The following ACOX3 variants were observed in gnomAD, a reference collection of about 807,000 sequenced individuals.
ACOX3 encodes acyl-CoA oxidase 3, pristanoyl, also known as peroxisomal acyl-coenzyme A oxidase 3.
ACOX3 carries 73 observed loss-of-function variants against 81.5 expected under a neutral mutation model. That is an observed-to-expected ratio of 0.90 (90% confidence interval 0.74 to 1.09). ACOX3 has a LOEUF of 1.09. Ranked by LOEUF, ACOX3 falls within the 50% of genes least tolerant of loss-of-function variation. The pLI is 0.00. For missense variants in ACOX3, 947 were observed against 928.0 expected, an observed-to-expected ratio of 1.02 and a Z score of -0.27; for synonymous variants, 387 against 375.1, an observed-to-expected ratio of 1.03 and a Z score of -0.37.
At chr4:8,435,543 G>A (rs991880544) in intron 1 of ACOX3, among the ~76,000 whole-genome samples, 1 of 152,080 alleles carries the variant, frequency 6.6e-6, no homozygotes. Context: ...GTGTTGGATG[G>A]CCCACCGAAG....
Position 8,381,744 on chromosome 4 carries a change from T to C in ACOX3, c.1538-137A>G, listed in dbSNP as rs1717680260. The C allele has an allele frequency of 1.5e-6, 1 of 658,274 alleles. No homozygotes were observed. The highest frequency in any genetic ancestry group is 2.8e-5 in the Admixed American group (1 of 35,688). 40.8% of individuals were successfully genotyped at this position (658,274 alleles called of 1,614,324 possible). A position where few individuals can be genotyped will look rare whatever the true frequency, so the allele number is the denominator to read the frequency against. On this transcript the variant is annotated intron_variant, in intron 13 of 17. Transcript: ENST00000356406. The surrounding 1 kb of genome is among the most constrained non-coding windows in gnomAD (Gnocchi z 4.3). ...TTCATTGACAACCAAGTGTATGGGG[T>C]GGGTCTGATTTTATAGGTAGGGAAA...
Position 8,400,672 on chromosome 4 carries a change from C to T in ACOX3, c.777-1020G>A, listed in dbSNP as rs1242941189. 6.6e-6 allele frequency among the ~76,000 whole-genome samples: 1 copy of T among 152,092 alleles called. No individual in the cohort carries two copies. Among genetic ancestry groups the T allele is most frequent in the African/African-American group, 2.4e-5 (1 of 41,412 alleles). Reference sequence around the variant, plus strand: ...GGTTAAGAATATTACATAAACTGTGCAAAAACCCCCCAAAACAAACTTCAA... The same window carrying T: ...GGTTAAGAATATTACATAAACTGTGTAAAAACCCCCCAAAACAAACTTCAA... On this transcript the variant is annotated intron_variant, in intron 7 of 17. Transcript: ENST00000356406. The surrounding 1 kb of genome is among the most constrained non-coding windows in gnomAD (Gnocchi z 4.4).
At chr4:8,433,955 A>G (rs1443786264) in intron 1 of ACOX3, among the ~76,000 whole-genome samples, 1 of 152,200 alleles carries the variant, frequency 6.6e-6, no homozygotes, top group East Asian at 1.9e-4. Flanking sequence ...TTCATAAGAC[A>G]GGAGGAAAGA....
the ACOX3 span, chr4:8,356,519 G>A: frequency 2.2e-6 from 1 of 449,742 alleles, no homozygotes; most frequent in Non-Finnish European, 4.5e-6. Flanking sequence ...CACTTTAAGT[G>A]GAAAAAGATG....
intron 11 of ACOX3, 91 bp downstream of exon 11, chr4:8,392,242 G>T: frequency 7.5e-7 from 1 of 1,339,324 alleles, no homozygotes; most frequent in Non-Finnish European, 9.7e-7. Context: ...GGCTGGATTT[G>T]GTCCTCAGGC....
chr4:8,394,733 A>G lies in ACOX3; in HGVS notation c.1066T>C (p.Leu356=). The G allele has an allele frequency of 1.9e-6, 3 of 1,613,364 alleles. No individual in the cohort carries two copies. The highest frequency in any genetic ancestry group is 2.5e-6 in the Non-Finnish European group (3 of 1,179,720). ...VLEYPMQQWR[L]LPYLAAVYAL... is the part of the protein sequence containing the mutation. ...TAGACAGCTGCCAGATATGGAAGCA[A>G]GCGCCATTGCTAGAACAGACAAGAC... The change falls in exon 10 of 18, where the codon TTG becomes CTG. Residue 356 remains leucine, a synonymous_variant. Coordinates refer to ENST00000356406, the MANE Select transcript of ACOX3 (RefSeq NM_003501.3). The surrounding 1 kb of genome is among the most constrained non-coding windows in gnomAD (Gnocchi z 5.9).
At chr4:8,392,215 T>A in intron 11 of ACOX3, 118 bp downstream of exon 11, 1 of 1,286,058 alleles carries the variant, frequency 7.8e-7, no homozygotes, top group South Asian at 2.3e-5. Flanking sequence ...AAACTTTATT[T>A]GCAAAAACAG....
At chr4:8,362,641 C>T (rs1578835014), downstream of ACOX3, among the ~76,000 whole-genome samples, 2 of 152,200 alleles carry the variant, frequency 1.3e-5, no homozygotes, top group East Asian at 3.8e-4. Context: ...TGGCGAAATG[C>T]CTCATACCTT....
intron 11 of ACOX3, among the ~76,000 whole-genome samples, chr4:8,391,722 A>G (rs780019213): frequency 2.6e-5 from 4 of 152,216 alleles, no homozygotes; most frequent in Non-Finnish European, 5.9e-5. Flanking sequence ...CTTTAAAAAT[A>G]AGAAAACTGA....
rs1448361854 is a variant in ACOX3, at chr4:8,406,991, C to T, written c.688-948G>A. Among the ~76,000 whole-genome samples the T allele has an allele frequency of 6.6e-6, 1 of 152,182 alleles. No individual in the cohort carries two copies. Among genetic ancestry groups the T allele is most frequent in the African/African-American group, 2.4e-5 (1 of 41,454 alleles). On this transcript the variant is annotated intron_variant, in intron 6 of 17. Transcript: ENST00000356406. This position sits in a 1 kb window ranked among gnomAD's most constrained non-coding sequence, Gnocchi z 5.6. ...GGAAAGGGAGACTCCCTTTCCCAGT[C>T]TGCTAAGTAGCAGGTGTTTTTCCTT... is the stretch of plus-strand genomic sequence containing the variant.
At chr4:8,415,261 G>A (rs1292775764) in intron 3 of ACOX3, among the ~76,000 whole-genome samples, 1 of 152,212 alleles carries the variant, frequency 6.6e-6, no homozygotes, top group East Asian at 1.9e-4. Flanking sequence ...GAGGACAGCA[G>A]GGAGAGCTGT....
chr4:8,433,973 CAA>C (rs1724087763), intron 1 of ACOX3, among the ~76,000 whole-genome samples: 1 of 152,018 alleles, frequency 6.6e-6, no homozygotes, highest in African/African-American at 2.4e-5. Flanking sequence ...AGAGAGAAAG[CAA>C]AAAGTTAGAA....
At chr4:8,372,623 G>A (rs1486129334) in intron 16 of ACOX3, among the ~76,000 whole-genome samples, 1 of 152,168 alleles carries the variant, frequency 6.6e-6, no homozygotes, top group East Asian at 1.9e-4. Flanking sequence ...AATCAGACAC[G>A]CCCCTCTCTG....
In ACOX3 at chr4:8,368,684, C is replaced by A. The variant is rs1715775145; in HGVS notation, c.1984-1604G>T. Among the ~76,000 whole-genome samples the A allele has an allele frequency of 6.6e-6, 1 of 151,736 alleles. No individual in the cohort carries two copies. The highest frequency in any genetic ancestry group is 1.5e-5 in the Non-Finnish European group (1 of 68,012). On this transcript the variant is annotated intron_variant, in intron 17 of 17. Transcript: ENST00000356406. The surrounding 1 kb of genome is among the most constrained non-coding windows in gnomAD (Gnocchi z 5.9). The stretch of plus-strand genomic sequence containing the variant: ...CGCTTATAGTGAATTTCTCACCTGG[C>A]AGCTCCTGGTTAATACACCAGTTCC...
intron 9 of ACOX3, among the ~76,000 whole-genome samples, chr4:8,395,894 T>C (rs1719640717): frequency 6.6e-6 from 1 of 152,274 alleles, no homozygotes; most frequent in African/African-American, 2.4e-5. Context: ...CCTTTATTCA[T>C]GCACAGCTTG....
At chr4:8,373,071 G>A (rs1440213673) in intron 16 of ACOX3, among the ~76,000 whole-genome samples, 3 of 152,154 alleles carry the variant, frequency 2.0e-5, no homozygotes, top group African/African-American at 7.2e-5. Context: ...GGTGACATAG[G>A]TAAAAGAATA....
chr4:8,397,744 C>T (rs781719881), intron 8 of ACOX3, among the ~76,000 whole-genome samples: 1 of 152,252 alleles, frequency 6.6e-6, no homozygotes, highest in Non-Finnish European at 1.5e-5. Flanking sequence ...TGCCCTGCCC[C>T]GTGCTGCCCC....
chr4:8,415,648 C>A, intron 3 of ACOX3, 118 bp downstream of exon 3: 4 of 807,268 alleles, frequency 5.0e-6, no homozygotes, highest in Non-Finnish European at 7.6e-6. Flanking sequence ...TTAAAATTTG[C>A]AAATATAGCT....
rs920331663 is a variant in ACOX3, at chr4:8,406,834, C to T, written c.688-791G>A. ...GTACAGGATGGAACATGAAGGTGGA[C>T]TAGGAGCGTGACCACTGAAGCACGG... On this transcript the variant is annotated intron_variant, in intron 6 of 17. Coordinates refer to ENST00000356406, the MANE Select transcript of ACOX3 (RefSeq NM_003501.3). This position sits in a 1 kb window ranked among gnomAD's most constrained non-coding sequence, Gnocchi z 5.6. Among the ~76,000 whole-genome samples, 1 of 152,196 alleles carries T rather than the reference C, an allele frequency of 6.6e-6. No homozygotes were observed. Among genetic ancestry groups the T allele is most frequent in the Admixed American group, 6.5e-5 (1 of 15,284 alleles).
Sources: gnomAD v4.1 joint callset for allele counts (sites outside exome capture counted in the v4.1 genomes callset) on GRCh38, gnomAD v4.1.1 for gene constraint, Gnocchi (gnomAD v3.1) non-coding constraint, MANE v1.5 for transcripts, NCBI Gene and HGNC (gene_info 2026-07-23, HGNC 2026-07-21) for gene names.